EDA: variants seen among roughly 807,000 people sequenced by gnomAD.
EDA encodes the protein ectodysplasin A, also known as ectodysplasin-A.
A neutral mutation model predicts 23.6 loss-of-function variants in EDA; 2 were observed. The observed-to-expected ratio is 0.08, with a 90% confidence interval of 0.03 to 0.27. The LOEUF is 0.27. Among genes scored for constraint, EDA ranks in the 10% least tolerant of loss-of-function variants. The pLI is 1.00. For missense variants in EDA, 229 were observed against 324.2 expected (o/e 0.71, Z 2.26); for synonymous variants, 131 against 132.0 (o/e 0.99, Z 0.05).
chrX:69,672,425 A>C (rs1933929289), intron 1 of EDA: 4 of 111,808 alleles, frequency 3.6e-5, no homozygotes, highest in African/African-American at 1.3e-4. Context: ...GGAGCTGGGG[A>C]ATAGTGCTCT....
chrX:69,938,957 G>T (rs1292614558), intron 1 of EDA, among the ~76,000 whole-genome samples: 1 of 111,656 alleles, frequency 9.0e-6, no homozygotes, highest in Non-Finnish European at 1.9e-5. Context: ...TAGTCTATGT[G>T]TCTCTTTTAA....
intron 1 of EDA, among the ~76,000 whole-genome samples, chrX:69,793,513 C>T (rs751289965): frequency 2.8e-5 from 3 of 105,804 alleles, no homozygotes; most frequent in African/African-American, 1.0e-4. Context: ...TTGGCTTTTG[C>T]CTTTAAGCTT....
intron 1 of EDA, among the ~76,000 whole-genome samples, chrX:69,789,166 G>T (rs1465522705): frequency 8.9e-6 from 1 of 111,996 alleles, no homozygotes; most frequent in Non-Finnish European, 1.9e-5. Context: ...CATGGTGCGT[G>T]CACCCACTGA....
At chrX:69,680,126 C>T (rs908483467) in intron 1 of EDA, among the ~76,000 whole-genome samples, 196 of 107,347 alleles carry the variant, frequency 1.8e-3, no homozygotes, top group Non-Finnish European at 3.0e-3. Context: ...TGTAGTTGAG[C>T]GGTTTTGAGT....
At chrX:69,750,817 T>C (rs1281789252) in intron 1 of EDA, among the ~76,000 whole-genome samples, 2 of 112,354 alleles carry the variant, frequency 1.8e-5, no homozygotes, top group African/African-American at 6.5e-5. Context: ...TGCATAAATG[T>C]CTTCTTTTGA....
intron 1 of EDA, among the ~76,000 whole-genome samples, chrX:69,654,101 A>G (rs1403030055): frequency 8.9e-6 from 1 of 112,067 alleles, no homozygotes; most frequent in Non-Finnish European, 1.9e-5. Flanking sequence ...AATTTACAAG[A>G]AAAAAACAAA....
chrX:69,904,548 A>G (rs1054708238), intron 1 of EDA, among the ~76,000 whole-genome samples: 1 of 111,491 alleles, frequency 9.0e-6, no homozygotes, highest in Non-Finnish European at 1.9e-5. Flanking sequence ...ATAGGGTCTC[A>G]CTATTTGCCC....
intron 1 of EDA, among the ~76,000 whole-genome samples, chrX:69,935,895 A>G (rs949735304): frequency 1.8e-5 from 2 of 109,157 alleles, no homozygotes; most frequent in Non-Finnish European, 3.8e-5. Flanking sequence ...CTCTCTCTAT[A>G]TGACAATATA....
At chrX:69,804,178 G>T (rs1394847131) in intron 1 of EDA, among the ~76,000 whole-genome samples, 1 of 110,867 alleles carries the variant, frequency 9.0e-6, no homozygotes, top group Non-Finnish European at 1.9e-5. Context: ...TCAATTCCCG[G>T]TAGTGAGATT....
At chrX:69,706,554 G>A (rs1208205507) in intron 1 of EDA, among the ~76,000 whole-genome samples, 1 of 104,584 alleles carries the variant, frequency 9.6e-6, no homozygotes, top group Non-Finnish European at 2.0e-5. Flanking sequence ...TACATTTTAG[G>A]GAGATGTGAA....
intron 1 of EDA, among the ~76,000 whole-genome samples, chrX:69,752,815 G>T (rs1387633529): frequency 8.9e-6 from 1 of 111,931 alleles, no homozygotes; most frequent in Non-Finnish European, 1.9e-5. Flanking sequence ...GAGGGTGTAT[G>T]TGTTGAGGAA....
intron 1 of EDA, among the ~76,000 whole-genome samples, chrX:69,898,149 G>A (rs1478780920): frequency 1.8e-5 from 2 of 111,778 alleles, no homozygotes; most frequent in East Asian, 2.8e-4. Flanking sequence ...GGTGGAGGGG[G>A]GTTGGCTATA....
chrX:69,679,567 G>A (rs1293640174), intron 1 of EDA, among the ~76,000 whole-genome samples: 1 of 111,614 alleles, frequency 9.0e-6, no homozygotes, highest in Non-Finnish European at 1.9e-5. Context: ...ATGTGTAGAG[G>A]AATTTATCCA....
At chrX:69,865,779 C>G (rs1301916132) in intron 1 of EDA, among the ~76,000 whole-genome samples, 1 of 111,856 alleles carries the variant, frequency 8.9e-6, no homozygotes, top group Non-Finnish European at 1.9e-5. Context: ...ATAATTACAC[C>G]TAACATAATA....
intron 1 of EDA, among the ~76,000 whole-genome samples, chrX:69,715,244 C>T (rs1222768801): frequency 2.7e-5 from 3 of 109,409 alleles, no homozygotes; most frequent in African/African-American, 1.0e-4. Context: ...CTCTTCTCAC[C>T]CTCCATCCTC....
intron 1 of EDA, among the ~76,000 whole-genome samples, chrX:69,783,580 T>A (rs2015032338): frequency 9.0e-6 from 1 of 110,805 alleles, no homozygotes; most frequent in Non-Finnish European, 1.9e-5. Context: ...GAATGATGAT[T>A]TCCAATTTCA....
At chrX:69,824,323 C>T (rs1170602292) in intron 1 of EDA, among the ~76,000 whole-genome samples, 80 of 110,124 alleles carry the variant, frequency 7.3e-4, no homozygotes, top group Non-Finnish European at 1.5e-3. Flanking sequence ...ATTCTTCCTA[C>T]GCATGAGCAT....
chrX:69,823,805 T>C (rs1602447569), intron 1 of EDA, among the ~76,000 whole-genome samples: 2 of 92,244 alleles, frequency 2.2e-5, no homozygotes, highest in East Asian at 7.8e-4. Flanking sequence ...TGTCTAGGTT[T>C]TCTTCTAGGG....
At chrX:69,670,183 G>T (rs868417178) in intron 1 of EDA, 440 of 235,695 alleles carry the variant, frequency 1.9e-3, no homozygotes, top group Middle Eastern at 3.2e-3. Context: ...TTGGCTGACT[G>T]TTTTTTTTTT....
Sources: gnomAD v4.1 joint callset for allele counts (sites outside exome capture counted in the v4.1 genomes callset) on GRCh38, gnomAD v4.1.1 for gene constraint, MANE v1.5 for transcripts, NCBI Gene and HGNC (gene_info 2026-07-23, HGNC 2026-07-21) for gene names.